Variants in ARHGAP42 observed in about 807,000 individuals in gnomAD.
ARHGAP42 encodes the protein rho GTPase-activating protein 42.
A neutral mutation model predicts 125.0 loss-of-function variants in ARHGAP42; 63 were observed. The ratio of observed to expected loss-of-function variants is 0.50; its 90% CI spans 0.41 to 0.62. ARHGAP42 has a LOEUF of 0.62. ARHGAP42 is among the 20% of genes least tolerant of loss of function. The probability of loss-of-function intolerance (pLI) is 0.00; values close to 1 mark genes in which losing one functional copy is unlikely to be tolerated. For missense variants in ARHGAP42, 766 were observed against 1,024.2 expected (o/e 0.75, Z 3.44); for synonymous variants, 339 against 351.0 (o/e 0.97, Z 0.38).
intron 9 of ARHGAP42, 131 bp from the exon 10 acceptor site, chr11:100,943,627 AG>A (rs1018941732): frequency 3.8e-6 from 2 of 519,826 alleles, no homozygotes; most frequent in African/African-American, 1.9e-5. Context: ...AAAAAAAGAC[AG>A]GGTATGATTG....
At chr11:100,875,903 G>A (rs377171686) in intron 4 of ARHGAP42, among the ~76,000 whole-genome samples, 1 of 152,144 alleles carries the variant, frequency 6.6e-6, no homozygotes, top group East Asian at 1.9e-4. Context: ...GGAATATAGT[G>A]TCTCTTACCT....
chr11:100,979,572 T>G (rs192101325), intron 22 of ARHGAP42, among the ~76,000 whole-genome samples: 417 of 152,336 alleles, frequency 2.7e-3, no homozygotes, highest in Middle Eastern at 6.8e-3. Flanking sequence ...TACATCTTGC[T>G]TCTACTAATG....
In ARHGAP42 at chr11:100,779,185, G is replaced by A. The variant is rs188473759; in HGVS notation, c.250+8747G>A. 9.4e-4 allele frequency among the ~76,000 whole-genome samples: 143 copies of A among 151,694 alleles called. 1 individual carries two copies. Among genetic ancestry groups the A allele is most frequent in the African/African-American group, 3.3e-3 (137 of 41,376 alleles). ...ATACTGGCTGGGTGCAGTGGCTCAC[G>A]CCTGTAATCCCAGCACTTTGGGAGG... On this transcript the variant is annotated intron_variant, in intron 2 of 23. Coordinates refer to ENST00000298815, the MANE Select transcript of ARHGAP42 (RefSeq NM_152432.4).
chr11:100,726,080 T>TAAAAAAAAAAAAA (rs34713091), intron 1 of ARHGAP42, among the ~76,000 whole-genome samples: 2 of 125,468 alleles, frequency 1.6e-5, no homozygotes. Flanking sequence ...CTTGTCTCTC[T>TAAAAAAAAAAAAA]AAAAAAAAAA....
At chr11:100,975,869 C>T (rs1015686590) in intron 19 of ARHGAP42, among the ~76,000 whole-genome samples, 188 bp from the exon 20 acceptor site, 1 of 152,120 alleles carries the variant, frequency 6.6e-6, no homozygotes, top group Non-Finnish European at 1.5e-5. Flanking sequence ...TTGGCAAGTT[C>T]AAATGCATAT....
At chr11:100,867,803 C>G (rs1447867022) in intron 4 of ARHGAP42, among the ~76,000 whole-genome samples, 2 of 152,136 alleles carry the variant, frequency 1.3e-5, no homozygotes, top group Non-Finnish European at 2.9e-5. Flanking sequence ...TTAATGATTT[C>G]TAGCTTTTGA....
intron 6 of ARHGAP42, among the ~76,000 whole-genome samples, chr11:100,929,682 T>A (rs1867522413): frequency 7.2e-6 from 1 of 138,818 alleles, no homozygotes; most frequent in African/African-American, 2.5e-5. Flanking sequence ...TTCAAATGCT[T>A]TTTGACCATT....
intron 22 of ARHGAP42, among the ~76,000 whole-genome samples, chr11:100,982,896 T>G: frequency 6.6e-6 from 1 of 152,182 alleles, no homozygotes; most frequent in South Asian, 2.1e-4. Context: ...CAGTTACATA[T>G]GTAAGACACA....
chr11:100,779,553 TATAC>T (rs1203324076), intron 2 of ARHGAP42, among the ~76,000 whole-genome samples: 4 of 141,960 alleles, frequency 2.8e-5, no homozygotes, highest in Non-Finnish European at 4.5e-5. Flanking sequence ...TATATATACA[TATAC>T]ATACGTATAT....
chr11:100,743,987 T>A (rs1470764661), intron 1 of ARHGAP42, among the ~76,000 whole-genome samples: 2 of 152,244 alleles, frequency 1.3e-5, no homozygotes, highest in African/African-American at 4.8e-5. Context: ...TATTTATTTG[T>A]TGAGTTGGAG....
chr11:100,917,933 C>T (rs1867118053), intron 5 of ARHGAP42, among the ~76,000 whole-genome samples: 1 of 152,136 alleles, frequency 6.6e-6, no homozygotes, highest in African/African-American at 2.4e-5. Context: ...ACACCCACAT[C>T]ATTCAGCTTC....
intron 23 of ARHGAP42, among the ~76,000 whole-genome samples, chr11:100,988,507 A>T (rs947484180): frequency 1.3e-5 from 2 of 152,226 alleles, no homozygotes; most frequent in African/African-American, 4.8e-5. Flanking sequence ...ATACAGGGGG[A>T]TGTCCCTAGG....
intron 6 of ARHGAP42, among the ~76,000 whole-genome samples, chr11:100,925,741 A>G (rs1318093765): frequency 1.3e-5 from 2 of 152,238 alleles, no homozygotes; most frequent in East Asian, 1.9e-4. Flanking sequence ...CTGTCTCAAA[A>G]AAATAAATAA....
At chr11:100,851,297 C>G (rs1359954422) in intron 3 of ARHGAP42, among the ~76,000 whole-genome samples, 1 of 152,170 alleles carries the variant, frequency 6.6e-6, no homozygotes, top group African/African-American at 2.4e-5. Context: ...ACAAGAGCAA[C>G]AGCATTCATG....
intron 3 of ARHGAP42, among the ~76,000 whole-genome samples, chr11:100,830,950 A>G (rs1364740600): frequency 6.6e-6 from 1 of 152,118 alleles, no homozygotes; most frequent in Non-Finnish European, 1.5e-5. Flanking sequence ...ACCGTGAGTA[A>G]TGTACGGGGT....
chr11:100,872,042 C>A (rs769930152), intron 4 of ARHGAP42, among the ~76,000 whole-genome samples: 7 of 152,206 alleles, frequency 4.6e-5, no homozygotes, highest in Non-Finnish European at 1.0e-4. Context: ...TGCACCCAGC[C>A]TGGTTCATTT....
At chr11:100,878,361 T>C (rs552844978) in intron 4 of ARHGAP42, among the ~76,000 whole-genome samples, 8 of 152,198 alleles carry the variant, frequency 5.3e-5, no homozygotes, top group South Asian at 2.1e-4. Flanking sequence ...TTGGGTTATA[T>C]TGATACGATT....
intron 1 of ARHGAP42, among the ~76,000 whole-genome samples, chr11:100,741,331 G>A (rs900395332): frequency 1.3e-5 from 2 of 151,968 alleles, no homozygotes; most frequent in Non-Finnish European, 2.9e-5. Flanking sequence ...GCCCCTGGCC[G>A]AAGAAATCTT....
chr11:100,909,731 T>G (rs1328817547), intron 4 of ARHGAP42, among the ~76,000 whole-genome samples: 2 of 152,192 alleles, frequency 1.3e-5, no homozygotes, highest in Non-Finnish European at 2.9e-5. Context: ...GGGGTCCAGT[T>G]TCATGCTTCT....
Sources: gnomAD v4.1 joint callset for allele counts (sites outside exome capture counted in the v4.1 genomes callset) on GRCh38, gnomAD v4.1.1 for gene constraint, MANE v1.5 for transcripts, NCBI Gene and HGNC (gene_info 2026-07-23, HGNC 2026-07-21) for gene names.